TSC22D4: variants seen among roughly 807,000 people sequenced by gnomAD.
TSC22D4 encodes the protein TSC22 domain family protein 4.
Under a neutral mutation model 24.9 loss-of-function variants are expected in TSC22D4, and 5 were observed. The observed-to-expected ratio is 0.20, with a 90% CI of 0.10 to 0.42. The LOEUF is 0.42. TSC22D4 is among the 10% of genes least tolerant of loss of function. TSC22D4 has a pLI of 1.00. For synonymous variants in TSC22D4, 245 were observed against 243.2 expected (o/e 1.01, Z -0.07); for missense variants, 469 against 547.9 (o/e 0.86, Z 1.44).
chr7:100,467,134 C>G lies in TSC22D4; in HGVS notation c.1013G>C (p.Arg338Pro). The G allele has an allele frequency of 6.2e-7, 1 of 1,614,154 alleles. No homozygotes were observed. Among genetic ancestry groups the G allele is most frequent in the South Asian group, 1.1e-5 (1 of 91,084 alleles). ...CTCCTTCAGCACCTCCACCTCCTCC[C>G]GGACCGCAAACATGAGGTGGGACTT... ...LVKSHLMFAV[R>P]EEVEVLKEQI... The change falls in exon 5 of 5, where the codon CGG (arginine) becomes CCG (proline). Residue 338 changes from arginine (R) to proline (P), a missense_variant. Coordinates refer to ENST00000300181, the MANE Select transcript of TSC22D4 (RefSeq NM_030935.5).
intron 3 of TSC22D4, among the ~76,000 whole-genome samples, chr7:100,470,385 G>A (rs2131043317): frequency 6.6e-6 from 1 of 152,196 alleles, no homozygotes; most frequent in South Asian, 2.1e-4. Flanking sequence ...CTCCACCTCT[G>A]GGTTCAAGTG....
intron 3 of TSC22D4, among the ~76,000 whole-genome samples, chr7:100,473,465 G>A (rs151017189): frequency 0.012 from 1,799 of 151,134 alleles, 17 homozygotes; most frequent in Non-Finnish European, 0.018. Flanking sequence ...TTTTTGAGGC[G>A]GAGTCTCGCT....
chr7:100,477,851 G>A lies in TSC22D4; in HGVS notation c.188C>T (p.Pro63Leu). 6.3e-7 allele frequency: 1 copy of A among 1,596,188 alleles called. No individual in the cohort carries two copies. Among genetic ancestry groups the A allele is most frequent in the Non-Finnish European group, 8.5e-7 (1 of 1,173,814 alleles). The change falls in exon 2 of 5, where the codon CCA becomes CTA. Residue 63 changes from proline (P) to leucine (L), a missense_variant. Physicochemically the swap from Pro to Leu is moderately conservative, Grantham distance 98. Transcript: ENST00000300181. The surrounding 1 kb of genome is among the most constrained non-coding windows in gnomAD (Gnocchi z 7.8). Reference protein sequence around the residue: ...GGKGTPRNGSPPPGAPSSRFR... With the variant: ...GGKGTPRNGSLPPGAPSSRFR... ...ACGGGAGGAAGGGGCCCCAGGTGGT[G>A]GGGAGCCATTCCGGGGGGTGCCCTT... is the stretch of plus-strand genomic sequence containing the variant.
At chr7:100,468,555 C>T (rs972425963) in intron 3 of TSC22D4, among the ~76,000 whole-genome samples, 1 of 152,170 alleles carries the variant, frequency 6.6e-6, no homozygotes. Flanking sequence ...TGGGATCTGG[C>T]CAGAGGGTCC....
chr7:100,468,009 G>C (rs1217646854), intron 3 of TSC22D4: 1 of 472,318 alleles, frequency 2.1e-6, no homozygotes, highest in Non-Finnish European at 4.4e-6. Flanking sequence ...GAATGCCTGG[G>C]GGGCTCAGAG....
rs779523992 is a variant in TSC22D4 at position 100,477,609 on chromosome 7, G to A, written c.430C>T (p.Leu144=). 5.2e-5 allele frequency: 83 copies of A among 1,599,766 alleles called. 3 individuals carry two copies. In the South Asian group the frequency reaches 8.6e-4, roughly 17 times the overall value. ...GLGAPTPPSG[L]SQGPTSWLRP... is the part of the protein sequence containing the mutation. ...AGCCAGGAGGTGGGGCCCTGAGACAGGCCTGACGGTGGGGTGGGGGCGCCC... is the reference window on the plus strand; with the variant it reads ...AGCCAGGAGGTGGGGCCCTGAGACAAGCCTGACGGTGGGGTGGGGGCGCCC... The change falls in exon 2 of 5, where the codon CTG becomes TTG. Residue 144 remains leucine, a synonymous_variant. Transcript: ENST00000300181. This position sits in a 1 kb window ranked among gnomAD's most constrained non-coding sequence, Gnocchi z 7.8.
At position 100,467,139 on chromosome 7, in the gene TSC22D4, C is replaced by G. The variant is rs199847662; in HGVS notation, c.1008G>C (p.Ala336=). 1.2e-6 allele frequency: 2 copies of G among 1,614,046 alleles called. No homozygotes were observed. The highest frequency in any genetic ancestry group is 1.6e-4 in the Middle Eastern group (1 of 6,084). The change falls in exon 5 of 5, where the codon GCG becomes GCC. Residue 336 remains alanine, a synonymous_variant. Transcript: ENST00000300181. ...TCAGCACCTCCACCTCCTCCCGGAC[C>G]GCAAACATGAGGTGGGACTTCACCA... ...MDLVKSHLMF[A]VREEVEVLKE...
chr7:100,474,285 G>A lies in TSC22D4; in HGVS notation c.918C>T (p.Ser306=), dbSNP rs753031149. ...CGAAGCCCACCTACCTATCATCGTCGCTGTCTAGGTGACCACTGATGGCCA... is the reference window on the plus strand; with the variant it reads ...CGAAGCCCACCTACCTATCATCGTCACTGTCTAGGTGACCACTGATGGCCA... ...SMLAISGHLD[S]DDDSGSGSLV... Residue 306 remains serine, a synonymous_variant, in exon 3 of 5, where the codon AGC becomes AGT. Coordinates refer to ENST00000300181, the MANE Select transcript of TSC22D4 (RefSeq NM_030935.5). The surrounding 1 kb of genome is among the most constrained non-coding windows in gnomAD (Gnocchi z 4.3). The A allele has an allele frequency of 9.9e-6, 16 of 1,613,784 alleles. No individual in the cohort carries two copies. The highest frequency in any genetic ancestry group is 4.0e-5 in the African/African-American group (3 of 74,874).
At position 100,473,413 on chromosome 7, in the gene TSC22D4, G is replaced by A. The variant is rs143594598; in HGVS notation, c.929+861C>T. 1.3e-4 allele frequency among the ~76,000 whole-genome samples: 20 copies of A among 152,162 alleles called. No homozygotes were observed. The East Asian group carries it at 3.7e-3, about 28-fold the overall frequency. On this transcript the variant is annotated intron_variant, in intron 3 of 4. Coordinates refer to ENST00000300181, the MANE Select transcript of TSC22D4 (RefSeq NM_030935.5). The stretch of plus-strand genomic sequence containing the variant: ...AGAAAGAGGGAGATGGAACTGGGAG[G>A]AAACTGATTTCCATTCTTTTTCAGT...
chr7:100,472,851 CT>C (rs1466363140), intron 3 of TSC22D4, among the ~76,000 whole-genome samples: 1 of 152,084 alleles, frequency 6.6e-6, no homozygotes, highest in Non-Finnish European at 1.5e-5. Flanking sequence ...CGAGTGGCCC[CT>C]GATCTGGGGA....
At position 100,478,030 on chromosome 7, in the gene TSC22D4, C is replaced by T; in HGVS notation, c.9G>A (p.Gly3=). The change falls in exon 2 of 5, where the codon GGG becomes GGA. Residue 3 remains glycine, a synonymous_variant. Transcript: ENST00000300181. ...TTTGGAAACTACTCTTCTTCTTGCC[C>T]CCGCTCATGGTCCCTGGGGCTCAGG... The part of the protein sequence containing the change: MS[G]GKKKSSFQIT... The T allele has an allele frequency of 6.3e-7, 1 of 1,592,932 alleles. No individual in the cohort carries two copies. The highest frequency in any genetic ancestry group is 1.8e-5 in the Admixed American group (1 of 56,162).
chr7:100,467,720 G>C, intron 3 of TSC22D4, 120 bp from the exon 4 acceptor site: 1 of 1,056,134 alleles, frequency 9.5e-7, no homozygotes, highest in Non-Finnish European at 1.5e-6. Flanking sequence ...ATGAGGGAGA[G>C]GAGGGTTTTG....
intron 2 of TSC22D4, among the ~76,000 whole-genome samples, chr7:100,475,844 A>G (rs1799486441): frequency 6.6e-6 from 1 of 152,038 alleles, no homozygotes; most frequent in African/African-American, 2.4e-5. Flanking sequence ...CCAAGAACAG[A>G]GAGTCCAGGG....
rs2131038160 is a variant in TSC22D4, at chr7:100,467,052, C to T, written c.1095G>A (p.Leu365=). The T allele has an allele frequency of 6.2e-7, 1 of 1,613,808 alleles. No homozygotes were observed. Among genetic ancestry groups the T allele is most frequent in the Non-Finnish European group, 8.5e-7 (1 of 1,179,926 alleles). ...GCTGCTCCGGGCTGGCCAGGGCGCGCAGCAGCCCATTCTCCTGCTCCAGCG... is the reference window on the plus strand; with the variant it reads ...GCTGCTCCGGGCTGGCCAGGGCGCGTAGCAGCCCATTCTCCTGCTCCAGCG... The part of the protein sequence containing the change: ...NAALEQENGL[L]RALASPEQLA... Residue 365 remains leucine (L), a synonymous_variant, in exon 5 of 5, where the codon CTG becomes CTA. Coordinates refer to ENST00000300181, the MANE Select transcript of TSC22D4 (RefSeq NM_030935.5).
At chr7:100,476,220 T>C (rs763794366) in intron 2 of TSC22D4, among the ~76,000 whole-genome samples, 41 of 115,610 alleles carry the variant, frequency 3.5e-4, no homozygotes, top group Non-Finnish European at 4.9e-4. Context: ...AATGCAAGAG[T>C]TCAAGAAGAG....
intron 3 of TSC22D4, among the ~76,000 whole-genome samples, chr7:100,470,124 C>T (rs1179984433): frequency 6.6e-6 from 1 of 152,126 alleles, no homozygotes; most frequent in Non-Finnish European, 1.5e-5. Flanking sequence ...ATACTGCCAC[C>T]ACCCCATTAA....
rs756249806 is a variant in TSC22D4 at position 100,467,594 on chromosome 7, G to A, written c.936C>T (p.Ser312=). The change falls in exon 4 of 5, where the codon TCC becomes TCT. Residue 312 remains serine (S), a synonymous_variant. Transcript: ENST00000300181. Reference sequence around the variant, plus strand: ...TGTTGTCAATGCCAACCAGGCTTCCGGAGCCACTGGAGAGACACAGGAAGG... The same window carrying A: ...TGTTGTCAATGCCAACCAGGCTTCCAGAGCCACTGGAGAGACACAGGAAGG... The part of the protein sequence containing the change: ...GHLDSDDDSG[S]GSLVGIDNKI... The A allele has an allele frequency of 1.5e-5, 24 of 1,613,944 alleles. No individual in the cohort carries two copies. Among genetic ancestry groups the A allele is most frequent in the South Asian group, 1.1e-5 (1 of 91,068 alleles).
At position 100,477,955 on chromosome 7, in the gene TSC22D4, C is replaced by T. The variant is rs773506605; in HGVS notation, c.84G>A (p.Ser28=). The part of the protein sequence containing the change: ...DYEGPGSPGA[S]DPPTPQPPTG... Reference sequence around the variant, plus strand: ...TTGGGGGCTGTGGGGTAGGGGGATCCGAAGCCCCTGGGCTCCCAGGGCCCT... The same window carrying T: ...TTGGGGGCTGTGGGGTAGGGGGATCTGAAGCCCCTGGGCTCCCAGGGCCCT... The change falls in exon 2 of 5, where the codon TCG becomes TCA. Residue 28 remains serine (S), a synonymous_variant. Coordinates refer to ENST00000300181, the MANE Select transcript of TSC22D4 (RefSeq NM_030935.5). The surrounding 1 kb of genome is among the most constrained non-coding windows in gnomAD (Gnocchi z 7.8). 11 of 1,561,956 alleles carry T rather than the reference C, an allele frequency of 7.0e-6. No individual in the cohort carries two copies. The highest frequency in any genetic ancestry group is 1.3e-5 in the African/African-American group (1 of 74,262).
At chr7:100,470,098 C>CA (rs1430120435) in intron 3 of TSC22D4, among the ~76,000 whole-genome samples, 1 of 152,072 alleles carries the variant, frequency 6.6e-6, no homozygotes, top group African/African-American at 2.4e-5. Context: ...GAGATGGAGC[C>CA]ACCACAGAAA....
Sources: gnomAD v4.1 joint callset for allele counts (sites outside exome capture counted in the v4.1 genomes callset) on GRCh38, gnomAD v4.1.1 for gene constraint, Gnocchi (gnomAD v3.1) non-coding constraint, MANE v1.5 for transcripts, NCBI Gene and HGNC (gene_info 2026-07-23, HGNC 2026-07-21) for gene names.